SART1: variants seen among roughly 807,000 people sequenced by gnomAD.
The protein encoded by SART1 is U4/U6.U5 tri-snRNP-associated protein 1.
Under a neutral mutation model 105.0 loss-of-function variants are expected in SART1, and 28 were observed. The observed-to-expected ratio is 0.27, with a 90% CI of 0.20 to 0.37. The LOEUF is 0.37. SART1 is among the 10% of genes least tolerant of loss of function. SART1 has a pLI of 1.00. For synonymous variants in SART1, 472 were observed against 462.9 expected, an observed-to-expected ratio of 1.02 and a Z score of -0.25; for missense variants, 894 against 1,106.5, an observed-to-expected ratio of 0.81 and a Z score of 2.72.
intron 6 of SART1, 32 bp from the exon 7 acceptor site, chr11:65,965,855 G>A: frequency 1.2e-6 from 2 of 1,613,636 alleles, no homozygotes; most frequent in Admixed American, 3.3e-5. Context: ...GTGCGTGGAG[G>A]GAGGTTCCTG....
intron 2 of SART1, 89 bp from the exon 3 acceptor site, chr11:65,964,426 C>T: frequency 6.7e-7 from 1 of 1,489,212 alleles, no homozygotes; most frequent in Non-Finnish European, 9.4e-7. Flanking sequence ...CCACTCACTC[C>T]CACCCTGTTT....
chr11:65,972,999 T>A (rs1252397470), intron 12 of SART1, among the ~76,000 whole-genome samples: 1 of 151,754 alleles, frequency 6.6e-6, no homozygotes, highest in Admixed American at 6.6e-5. Flanking sequence ...TGAAACCCTG[T>A]CTCTACTAAA....
intron 12 of SART1, among the ~76,000 whole-genome samples, chr11:65,973,449 A>G (rs1235472294): frequency 2.0e-5 from 3 of 152,208 alleles, no homozygotes; most frequent in Non-Finnish European, 4.4e-5. Context: ...GATCACAGAA[A>G]GGTGAACCAA....
rs754233385 is a variant in SART1, at chr11:65,966,417, G to T, written c.1049G>T (p.Arg350Leu). 6.2e-7 allele frequency: 1 copy of T among 1,613,868 alleles called. No individual in the cohort carries two copies. The change falls in exon 9 of 20, where the codon CGC (arginine) becomes CTC (leucine). Residue 350 changes from arginine to leucine, a missense_variant. This residue lies in a region of SART1 where 712 missense variants were observed against 778.2 expected (regional missense o/e 0.91). Coordinates refer to ENST00000312397, the MANE Select transcript of SART1 (RefSeq NM_005146.5). ...ELEGERPHSF[R>L]LEQGGTADGL... ...GAAGGGGAGCGGCCACATTCCTTCC[G>T]CTTGGAGCAGGGCGGCACGGCTGAT...
chr11:65,965,029 G>A, intron 3 of SART1, 63 bp from the exon 4 acceptor site: 2 of 1,515,040 alleles, frequency 1.3e-6, no homozygotes, highest in Non-Finnish European at 1.8e-6. Flanking sequence ...CAGGGTGAGT[G>A]GCTCCCTCCT....
chr11:65,979,322 C>T lies in SART1; in HGVS notation c.*292C>T, dbSNP rs1287141998. 1.8e-6 allele frequency: 1 copy of T among 555,712 alleles called. No individual in the cohort carries two copies. Among genetic ancestry groups the T allele is most frequent in the South Asian group, 2.1e-5 (1 of 47,610 alleles). The allele number at this position is 555,712 out of a possible 1,614,324, so 34.4% of individuals were successfully genotyped here. ...AAAGTGGAAGGCGGTTTTAGAAACTCATCACCCTGCTCTCTCCTGGCCTCG... is the reference window on the plus strand; with the variant it reads ...AAAGTGGAAGGCGGTTTTAGAAACTTATCACCCTGCTCTCTCCTGGCCTCG... On this transcript the variant is annotated 3_prime_UTR_variant, in exon 20 of 20. Coordinates refer to ENST00000312397, the MANE Select transcript of SART1 (RefSeq NM_005146.5).
chr11:65,966,293 G>A (rs1350936559), intron 8 of SART1, 57 bp from the exon 9 acceptor site: 5 of 1,613,632 alleles, frequency 3.1e-6, no homozygotes, highest in Non-Finnish European at 3.4e-6. Context: ...GGAGGTGGTG[G>A]CTCAGTGGCT....
intron 12 of SART1, among the ~76,000 whole-genome samples, chr11:65,974,862 C>T (rs886558793): frequency 4.6e-5 from 7 of 151,458 alleles, no homozygotes; most frequent in African/African-American, 1.7e-4. Flanking sequence ...GGTGAAACCC[C>T]ATCTCTACTG....
chr11:65,964,798 T>C (rs1187144392), intron 3 of SART1, among the ~76,000 whole-genome samples: 1 of 151,782 alleles, frequency 6.6e-6, no homozygotes, highest in African/African-American at 2.4e-5. Context: ...TGTGAGTTGT[T>C]AGATGGACTG....
At position 65,979,375 on chromosome 11, in the gene SART1, T is replaced by C. The variant is rs1267785476; in HGVS notation, c.*345T>C. 5 of 396,306 alleles carry C rather than the reference T, an allele frequency of 1.3e-5. No homozygotes were observed. Among genetic ancestry groups the C allele is most frequent in the Non-Finnish European group, 2.3e-5 (5 of 214,106 alleles). 24.5% of individuals were successfully genotyped at this position (396,306 alleles called of 1,614,324 possible). A position where few individuals can be genotyped will look rare whatever the true frequency, so the allele number is the denominator to read the frequency against. ...GGCTGCACAGGTCACTGTCCTGTAA[T>C]GTCTCCCGGTCAGGGCAGCCCAGGA... On this transcript the variant is annotated 3_prime_UTR_variant, in exon 20 of 20. Coordinates refer to ENST00000312397, the MANE Select transcript of SART1 (RefSeq NM_005146.5).
In SART1 at chr11:65,976,566, A is replaced by G. The variant is rs926947698; in HGVS notation, c.1744A>G (p.Met582Val). The G allele has an allele frequency of 6.2e-6, 10 of 1,612,510 alleles. No homozygotes were observed. In the East Asian group the frequency reaches 8.9e-5, roughly 14 times the overall value. The change falls in exon 13 of 20, where the codon ATG (methionine) becomes GTG (valine). Residue 582 changes from methionine (M) to valine (V), a missense_variant and splice_region_variant. Physicochemically the swap from Met to Val is conservative, Grantham distance 21 (BLOSUM62 1). This residue lies in a region of SART1 where 182 missense variants were observed against 328.3 expected (regional missense o/e 0.55). Transcript: ENST00000312397. The surrounding 1 kb of genome is among the most constrained non-coding windows in gnomAD (Gnocchi z 5.1). The stretch of plus-strand genomic sequence containing the variant: ...CAATCGCGAGGAGCAGGAGGAGCTC[A>G]TGGTGCGTCTGGGGCGGCCCCGCCC... ...AGNREEQEEL[M>V]DFERDEERSA...
In SART1 at chr11:65,967,332, A is replaced by T. The variant is rs1293636189; in HGVS notation, c.1262A>T (p.Asp421Val). The T allele has an allele frequency of 1.2e-6, 2 of 1,614,156 alleles. No individual in the cohort carries two copies. The highest frequency in any genetic ancestry group is 1.7e-6 in the Non-Finnish European group (2 of 1,180,026). Residue 421 changes from aspartate (D) to valine (V), a missense_variant, in exon 10 of 20, where the codon GAT becomes GTT. Physicochemically the swap from Asp to Val is radical, Grantham distance 152 (BLOSUM62 -3). Around this residue, in one of 2 missense-constraint regions of SART1, gnomAD observed 712 missense variants for 778.2 expected, o/e 0.91. Transcript: ENST00000312397. ...KKEKEVVVRA[D>V]DLLPLGDQTQ... ...GAGAAGGAGGTAGTAGTGCGGGCAG[A>T]TGACTTGCTGCCTCTCGGGGACCAG...
intron 12 of SART1, among the ~76,000 whole-genome samples, chr11:65,973,152 T>C (rs541558901): frequency 5.0e-4 from 76 of 152,098 alleles, no homozygotes; most frequent in Non-Finnish European, 7.4e-4. Context: ...CCAGCCTGGG[T>C]GACAGAGCAA....
Position 65,979,155 on chromosome 11 carries a change from C to G in SART1, c.*125C>G. 7.9e-7 allele frequency: 1 copy of G among 1,258,336 alleles called. No homozygotes were observed. Among genetic ancestry groups the G allele is most frequent in the South Asian group, 1.3e-5 (1 of 76,140 alleles). 77.9% of individuals were successfully genotyped at this position (1,258,336 alleles called of 1,614,324 possible). On this transcript the variant is annotated 3_prime_UTR_variant, in exon 20 of 20. Transcript: ENST00000312397. ...TCTTTGGTTGGGTGTGGCACAGAGT[C>G]TGGCTCCTGCTAGGTGAGACCTGGC...
chr11:65,967,543 G>A lies in SART1; in HGVS notation c.1386G>A (p.Pro462=), dbSNP rs61740577. 0.013 allele frequency: 21,515 copies of A among 1,612,890 alleles called. 206 individuals are homozygous for A. Among genetic ancestry groups the A allele is most frequent in the Non-Finnish European group, 0.016 (18,887 of 1,180,004 alleles). ...EEKEPVPQPL[P]SDDTRVENMD... is the part of the protein sequence containing the mutation. ...AGGAGCCTGTGCCTCAGCCCCTGCC[G>A]TCGGACGACACCCGAGTGGAGAACA... The change falls in exon 11 of 20, where the codon CCG becomes CCA. Residue 462 remains proline, a synonymous_variant. Coordinates refer to ENST00000312397, the MANE Select transcript of SART1 (RefSeq NM_005146.5).
intron 12 of SART1, 86 bp downstream of exon 12, chr11:65,967,907 G>T: frequency 3.8e-6 from 4 of 1,046,720 alleles, no homozygotes; most frequent in Non-Finnish European, 5.2e-6. Flanking sequence ...CCACATTCCT[G>T]TCTGAAGCCT....
chr11:65,979,555 T>C lies in SART1; in HGVS notation c.*525T>C. On this transcript the variant is annotated 3_prime_UTR_variant, in exon 20 of 20. Coordinates refer to ENST00000312397, the MANE Select transcript of SART1 (RefSeq NM_005146.5). The stretch of plus-strand genomic sequence containing the variant: ...TTGGTGCACGCGGTATGGGGAGGGC[T>C]GAGCTCAGTGCCTCCTGGGAGACTT... 6.2e-6 allele frequency: 1 copy of C among 161,592 alleles called. No individual in the cohort carries two copies. The highest frequency in any genetic ancestry group is 1.3e-5 in the Non-Finnish European group (1 of 74,222). The allele number at this position is 161,592 out of a possible 1,614,324, so 10.0% of individuals were successfully genotyped here.
rs1590647885 is a variant in SART1, at chr11:65,979,448, T to G, written c.*418T>G. The G allele has an allele frequency of 4.1e-6, 1 of 246,802 alleles. No homozygotes were observed. 15.3% of individuals were successfully genotyped at this position (246,802 alleles called of 1,614,324 possible). On this transcript the variant is annotated 3_prime_UTR_variant, in exon 20 of 20. Transcript: ENST00000312397. ...GATTGGGCTTTGGGTAGGGCACAGG[T>G]GCCACCTTCTGTCCTGGCTGTCCTG...
At position 65,976,641 on chromosome 11, in the gene SART1, T is replaced by A; in HGVS notation, c.1747-15T>A. On this transcript the variant is annotated splice_polypyrimidine_tract_variant and intron_variant, in intron 13 of 19. Transcript: ENST00000312397. This position sits in a 1 kb window ranked among gnomAD's most constrained non-coding sequence, Gnocchi z 5.1. The stretch of plus-strand genomic sequence containing the variant: ...TGGCTGGGGCCTGGGCCGACCCTGG[T>A]CTTTTGTGCCCCAGGACTTTGAACG... 6.2e-7 allele frequency: 1 copy of A among 1,613,382 alleles called. No individual in the cohort carries two copies. Among genetic ancestry groups the A allele is most frequent in the Non-Finnish European group, 8.5e-7 (1 of 1,179,750 alleles).
Sources: gnomAD v4.1 joint callset for allele counts (sites outside exome capture counted in the v4.1 genomes callset) on GRCh38, gnomAD v4.1.1 for gene constraint, gnomAD v4.1.1 regional missense constraint, Gnocchi (gnomAD v3.1) non-coding constraint, MANE v1.5 for transcripts, NCBI Gene and HGNC (gene_info 2026-07-23, HGNC 2026-07-21) for gene names.